The following REG3G variants were observed in gnomAD, a reference collection of about 807,000 sequenced individuals.
REG3G encodes regenerating family member 3 gamma.
In REG3G, 19 loss-of-function variants were observed where a neutral mutation model predicts 20.9. The ratio of observed to expected loss-of-function variants is 0.91; its 90% CI spans 0.64 to 1.34. The LOEUF is 1.34. Among genes scored for constraint, REG3G ranks in the 40% most tolerant of loss-of-function variants. REG3G has a pLI of 0.00. For missense variants in REG3G, 235 were observed against 205.0 expected, an observed-to-expected ratio of 1.15 and a Z score of -0.89; for synonymous variants, 89 against 77.4, an observed-to-expected ratio of 1.15 and a Z score of -0.79.
At chr2:79,025,956 T>C (rs186433258) in intron 1 of REG3G, 27 bp from the exon 2 acceptor site, 2 of 759,442 alleles carry the variant, frequency 2.6e-6, no homozygotes, top group Admixed American at 4.5e-5. Flanking sequence ...CTGTAGAAGA[T>C]GATGAATGTG....
intron 2 of REG3G, 58 bp from the exon 3 acceptor site, chr2:79,026,655 T>G: frequency 7.3e-7 from 1 of 1,377,112 alleles, no homozygotes; most frequent in Non-Finnish European, 1.0e-6. Flanking sequence ...TTCCCCAAGG[T>G]CATCTCCCAC....
At chr2:79,026,975 T>G (rs396461) in intron 3 of REG3G, 59 bp from the exon 4 acceptor site, 597,779 of 1,605,310 alleles carry the variant, frequency 0.37, 114,273 homozygotes, top group South Asian at 0.51. Flanking sequence ...ACCTACCTTT[T>G]CCCTGCCCTC....
rs752631491 is a variant in REG3G, at chr2:79,026,726, G to A, written c.90G>A (p.Gln30=). The change falls in exon 3 of 6, where the codon CAG becomes CAA. Residue 30 remains glutamine, a synonymous_variant. Coordinates refer to ENST00000272324, the MANE Select transcript of REG3G (RefSeq NM_001008387.3). ...LLCQVQGEET[Q]KELPSPRISC... ...CTTCCACCCCAGGTGAAGAAACCCAGAAGGAACTGCCCTCTCCACGGATCA... is the reference window on the plus strand; with the variant it reads ...CTTCCACCCCAGGTGAAGAAACCCAAAAGGAACTGCCCTCTCCACGGATCA... 102 of 1,613,508 alleles carry A rather than the reference G, an allele frequency of 6.3e-5. No homozygotes were observed. The highest frequency in any genetic ancestry group is 2.5e-4 in the Admixed American group (15 of 59,948).
rs1021658089 is a variant in REG3G, at chr2:79,027,161, A to T, written c.323A>T (p.Asp108Val). Residue 108 changes from aspartate (D) to valine (V), a missense_variant, in exon 4 of 6, where the codon GAC (aspartate) becomes GTC (valine). Coordinates refer to ENST00000272324, the MANE Select transcript of REG3G (RefSeq NM_001008387.3). ...SYSYIWIGLH[D>V]PTQGSEPDGD... Reference sequence around the variant, plus strand: ...TCATACATCTGGATTGGGCTCCATGACCCCACACAGGTGCGAGTATATCCT... The same window carrying T: ...TCATACATCTGGATTGGGCTCCATGTCCCCACACAGGTGCGAGTATATCCT... 13 of 1,613,428 alleles carry T rather than the reference A, an allele frequency of 8.1e-6. No homozygotes were observed. In the African/African-American group the frequency reaches 1.2e-4, roughly 15 times the overall value.
chr2:79,025,861 G>A (rs1671604314), intron 1 of REG3G, 88 bp downstream of exon 1: 5 of 518,956 alleles, frequency 9.6e-6, no homozygotes, highest in Non-Finnish European at 6.9e-6. Flanking sequence ...CTTCCTCAGG[G>A]AGCACAGGAG....
intron 2 of REG3G, 193 bp from the exon 3 acceptor site, chr2:79,026,520 T>C (rs1671623239): frequency 1.6e-6 from 1 of 608,514 alleles, no homozygotes; most frequent in Non-Finnish European, 2.9e-6. Flanking sequence ...GGGGAAAGGG[T>C]AATAACAGAC....
rs1356922426 is a variant in REG3G, at chr2:79,026,043, C to A, written c.-51C>A. ...AGTAGGATATCTGTGTGTCCTCCCG[C>A]TGACCACACTTCCTTTAGTGACCCG... On this transcript the variant is annotated 5_prime_UTR_variant, in exon 2 of 6. The change creates a new upstream start codon in the 5' untranslated region. Coordinates refer to ENST00000272324, the MANE Select transcript of REG3G (RefSeq NM_001008387.3). 6.4e-7 allele frequency: 1 copy of A among 1,569,908 alleles called. No homozygotes were observed. Among genetic ancestry groups the A allele is most frequent in the African/African-American group, 1.4e-5 (1 of 74,070 alleles).
At chr2:79,027,378 G>A (rs1671652315) in intron 4 of REG3G, 1 of 550,384 alleles carries the variant, frequency 1.8e-6, no homozygotes, top group Non-Finnish European at 3.2e-6. Context: ...AAATTAGTCG[G>A]ACTCTTGTAA....
chr2:79,026,670 C>CCCCTACTCTTCATTTA (rs769945530), intron 2 of REG3G, 43 bp from the exon 3 acceptor site: 34 of 1,518,930 alleles, frequency 2.2e-5, no homozygotes, highest in African/African-American at 2.7e-5. Flanking sequence ...TCCCACCCAC[C>CCCCTACTCTTCATTTA]CCCTACTCTT....
intron 5 of REG3G, 77 bp from the exon 6 acceptor site, chr2:79,028,132 G>C (rs1671672402): frequency 7.6e-7 from 1 of 1,320,570 alleles, no homozygotes; most frequent in Admixed American, 1.7e-5. Context: ...TTAAATCCTA[G>C]GCTAAAACCT....
chr2:79,028,116 G>C, intron 5 of REG3G, 93 bp from the exon 6 acceptor site: 1 of 1,287,870 alleles, frequency 7.8e-7, no homozygotes, highest in East Asian at 2.3e-5. Context: ...AGATGAGAGA[G>C]AAGCTTTAAA....
intron 5 of REG3G, 133 bp downstream of exon 5, chr2:79,028,066 CTTCT>C: frequency 7.7e-7 from 1 of 1,300,474 alleles, no homozygotes; most frequent in South Asian, 1.3e-5. Context: ...TCATCTCTGC[CTTCT>C]TTGAGTCTCA....
chr2:79,026,442 G>A (rs1671621673), intron 2 of REG3G: 3 of 595,650 alleles, frequency 5.0e-6, no homozygotes, highest in African/African-American at 3.7e-5. Context: ...GATGTGGGGA[G>A]GGACAATGAT....
chr2:79,028,140 C>T (rs1671672629), intron 5 of REG3G, 69 bp from the exon 6 acceptor site: 1 of 1,327,870 alleles, frequency 7.5e-7, no homozygotes, highest in South Asian at 1.2e-5. Flanking sequence ...TAGGCTAAAA[C>T]CTGGGATGCC....
At chr2:79,027,571 C>T in intron 4 of REG3G, among the ~76,000 whole-genome samples, 1 of 152,152 alleles carries the variant, frequency 6.6e-6, no homozygotes, top group Non-Finnish European at 1.5e-5. Flanking sequence ...TATTGTTCTG[C>T]AAGTAACATA....
At position 79,028,238 on chromosome 2, in the gene REG3G, G is replaced by C; in HGVS notation, c.490G>C (p.Asp164His). 1 of 1,613,296 alleles carries C rather than the reference G, an allele frequency of 6.2e-7. No homozygotes were observed. The change falls in exon 6 of 6, where the codon GAT becomes CAT. Residue 164 changes from aspartate to histidine, a missense_variant. Asp to His is a moderately conservative substitution (Grantham distance 81). Coordinates refer to ENST00000272324, the MANE Select transcript of REG3G (RefSeq NM_001008387.3). ...GFLKWKDYNC[D>H]AKLPYVCKFK... The stretch of plus-strand genomic sequence containing the variant: ...TCTGAAGTGGAAAGATTATAACTGT[G>C]ATGCAAAGTTACCCTATGTCTGCAA...
intron 4 of REG3G, 111 bp downstream of exon 4, chr2:79,027,282 C>T: frequency 8.4e-7 from 1 of 1,185,446 alleles, no homozygotes; most frequent in South Asian, 1.5e-5. Context: ...CACTGGAGCT[C>T]AGATTCTGGG....
chr2:79,027,701 C>A, intron 4 of REG3G, 106 bp from the exon 5 acceptor site: 1 of 1,381,620 alleles, frequency 7.2e-7, no homozygotes, highest in Non-Finnish European at 1.0e-6. Context: ...AAGATCAGAC[C>A]AAAATCCCTG....
intron 4 of REG3G, chr2:79,027,397 C>T (rs1286553283): frequency 9.2e-6 from 5 of 541,190 alleles, no homozygotes. Flanking sequence ...AAAACTTTTA[C>T]ATAATTCTCA....
Sources: allele counts gnomAD v4.1 joint callset (sites outside exome capture counted in the v4.1 genomes callset), GRCh38; gene constraint gnomAD v4.1.1; transcripts MANE v1.5; gene names NCBI Gene and HGNC (gene_info 2026-07-23, HGNC 2026-07-21).